The following NBEA variants were observed in gnomAD, a reference collection of about 807,000 sequenced individuals.
NBEA encodes neurobeachin.
A neutral mutation model predicts 343.4 loss-of-function variants in NBEA; 44 were observed. The ratio of observed to expected loss-of-function variants is 0.13; its 90% CI spans 0.10 to 0.16. The LOEUF (loss-of-function observed/expected upper bound fraction) is 0.16, where lower values mean the gene tolerates loss of function less well. NBEA is among the 10% of genes least tolerant of loss of function. The pLI is 1.00. For synonymous variants in NBEA, 1,175 were observed against 1,238.7 expected (o/e 0.95, Z 1.08); for missense variants, 2,555 against 3,631.3 (o/e 0.70, Z 7.62).
chr13:35,153,365 T>C (rs1775095280), intron 18 of NBEA, among the ~76,000 whole-genome samples: 1 of 152,150 alleles, frequency 6.6e-6, no homozygotes, highest in African/African-American at 2.4e-5. Flanking sequence ...TATCATGTTT[T>C]GTTACTTTAT....
At chr13:35,001,386 C>T (rs192379108) in intron 1 of NBEA, among the ~76,000 whole-genome samples, 68 of 152,210 alleles carry the variant, frequency 4.5e-4, no homozygotes, top group Middle Eastern at 3.4e-3. Context: ...TTTATTGCAG[C>T]GCTATTCACA....
intron 1 of NBEA, among the ~76,000 whole-genome samples, chr13:34,960,971 C>T (rs2059642949): frequency 6.6e-6 from 1 of 151,894 alleles, no homozygotes; most frequent in South Asian, 2.1e-4. Context: ...ACAGCTGAAC[C>T]CAATTACATT....
At chr13:34,986,269 TTTCTGCC>T (rs1250216706) in intron 1 of NBEA, among the ~76,000 whole-genome samples, 1 of 151,004 alleles carries the variant, frequency 6.6e-6, no homozygotes, top group Non-Finnish European at 1.5e-5. Context: ...AACGTCTTTA[TTTCTGCC>T]TTCATTTCAT....
intron 38 of NBEA, among the ~76,000 whole-genome samples, chr13:35,427,482 G>T (rs185700032): frequency 6.6e-6 from 1 of 152,172 alleles, no homozygotes; most frequent in East Asian, 1.9e-4. Context: ...CTGCCGAATC[G>T]TTCCTCTGGA....
chr13:35,251,367 T>C (rs1052556140), intron 34 of NBEA: 8 of 1,034,118 alleles, frequency 7.7e-6, no homozygotes, highest in Middle Eastern at 4.5e-4. Context: ...TGGAGAGGAC[T>C]CCAATGACTG....
chr13:35,105,768 A>G (rs963375892), intron 11 of NBEA, among the ~76,000 whole-genome samples: 36 of 152,028 alleles, frequency 2.4e-4, no homozygotes, highest in African/African-American at 8.7e-4. Flanking sequence ...ACAACCTTGG[A>G]GTCCTGGGAG....
chr13:35,221,361 C>A (rs1347863000), intron 33 of NBEA, among the ~76,000 whole-genome samples: 3 of 148,132 alleles, frequency 2.0e-5, no homozygotes, highest in Admixed American at 6.7e-5. Context: ...AAACAAAAAA[C>A]TAAAAAAACT....
intron 48 of NBEA, 49 bp downstream of exon 48, chr13:35,606,627 A>C: frequency 6.7e-7 from 1 of 1,484,604 alleles, no homozygotes; most frequent in South Asian, 1.5e-5. Context: ...GAGTTAACAT[A>C]TTCTGTAGTT....
intron 40 of NBEA, among the ~76,000 whole-genome samples, chr13:35,457,338 A>G (rs975924237): frequency 1.3e-5 from 2 of 152,126 alleles, no homozygotes; most frequent in South Asian, 2.1e-4. Context: ...ATTTTTTGGT[A>G]TATTCATTCA....
At chr13:34,970,918 A>G (rs575005051) in intron 1 of NBEA, among the ~76,000 whole-genome samples, 12 of 152,226 alleles carry the variant, frequency 7.9e-5, no homozygotes, top group African/African-American at 2.9e-4. Flanking sequence ...AAGAATGTCA[A>G]TGGTAGTTTA....
intron 23 of NBEA, among the ~76,000 whole-genome samples, chr13:35,162,276 T>G (rs1473061062): frequency 2.0e-5 from 3 of 152,178 alleles, no homozygotes; most frequent in African/African-American, 7.2e-5. Flanking sequence ...CCTTTCTAAA[T>G]TTTCAATTTA....
At chr13:35,327,574 G>A (rs952950920) in intron 36 of NBEA, among the ~76,000 whole-genome samples, 1 of 151,876 alleles carries the variant, frequency 6.6e-6, no homozygotes, top group African/African-American at 2.4e-5. Flanking sequence ...TGAGCTAAAC[G>A]TTGGATAAAT....
In NBEA at chr13:35,117,463, G is replaced by A; in HGVS notation, c.2052G>A (p.Met684Ile). ...AAATTATATCACTGAGGGCATTTAT[G>A]CTACTTTTTCTGAAACAGCTGATAC... Reference protein sequence around the residue: ...QKEIISLRAFMLLFLKQLILK... With the variant: ...QKEIISLRAFILLFLKQLILK... The change falls in exon 14 of 59, where the codon ATG (methionine) becomes ATA (isoleucine). Residue 684 changes from methionine (M) to isoleucine (I), a missense_variant. Met to Ile is a conservative substitution (Grantham distance 10). Transcript: ENST00000379939. 1 of 1,379,312 alleles carries A rather than the reference G, an allele frequency of 7.2e-7. No individual in the cohort carries two copies. The highest frequency in any genetic ancestry group is 9.5e-7 in the Non-Finnish European group (1 of 1,053,232). 85.4% of individuals were successfully genotyped at this position (1,379,312 alleles called of 1,614,324 possible). A position where few individuals can be genotyped will look rare whatever the true frequency, so the allele number is the denominator to read the frequency against.
intron 38 of NBEA, among the ~76,000 whole-genome samples, chr13:35,369,040 A>G (rs1457102038): frequency 1.3e-5 from 2 of 151,492 alleles, no homozygotes; most frequent in Non-Finnish European, 3.0e-5. Flanking sequence ...TAGTCATTTT[A>G]TAGCTTTGGG....
intron 10 of NBEA, among the ~76,000 whole-genome samples, chr13:35,075,205 G>T (rs1222217414): frequency 1.3e-5 from 2 of 152,102 alleles, no homozygotes; most frequent in Non-Finnish European, 2.9e-5. Context: ...TTTGCCAGCT[G>T]TGGAATGATT....
At chr13:35,020,720 A>G (rs1566172921) in intron 1 of NBEA, among the ~76,000 whole-genome samples, 1 of 152,178 alleles carries the variant, frequency 6.6e-6, no homozygotes, top group Non-Finnish European at 1.5e-5. Flanking sequence ...GGGTTTTGCC[A>G]TGTTGGCCAG....
intron 31 of NBEA, among the ~76,000 whole-genome samples, chr13:35,196,963 A>G (rs1309551748): frequency 6.6e-6 from 1 of 152,172 alleles, no homozygotes; most frequent in Non-Finnish European, 1.5e-5. Context: ...TAAATCATGC[A>G]AGGAATTTTT....
At chr13:35,559,765 A>T (rs1439495116) in intron 44 of NBEA, among the ~76,000 whole-genome samples, 1 of 151,850 alleles carries the variant, frequency 6.6e-6, no homozygotes, top group Non-Finnish European at 1.5e-5. Flanking sequence ...AATACAAAAA[A>T]ATTAGCTGGG....
chr13:35,624,502 A>G (rs1396627605), intron 48 of NBEA, among the ~76,000 whole-genome samples: 1 of 152,160 alleles, frequency 6.6e-6, no homozygotes, highest in Non-Finnish European at 1.5e-5. Context: ...AAATTAATGT[A>G]TAAATTGATT....
Sources: gnomAD v4.1 joint callset for allele counts (sites outside exome capture counted in the v4.1 genomes callset) on GRCh38, gnomAD v4.1.1 for gene constraint, MANE v1.5 for transcripts, NCBI Gene and HGNC (gene_info 2026-07-23, HGNC 2026-07-21) for gene names.